Variants in L3MBTL4 observed in about 807,000 individuals in gnomAD.
L3MBTL4 encodes L3MBTL histone methyl-lysine binding protein 4, also known as lethal(3)malignant brain tumor-like protein 4.
A neutral mutation model predicts 84.5 loss-of-function variants in L3MBTL4; 70 were observed. The observed-to-expected ratio is 0.83, with a 90% CI of 0.68 to 1.01. L3MBTL4 has a LOEUF of 1.01. Ranked by LOEUF, L3MBTL4 falls within the 50% of genes least tolerant of loss-of-function variation. L3MBTL4 has a pLI of 0.00. For missense variants in L3MBTL4, 715 were observed against 754.8 expected (o/e 0.95, Z 0.62); for synonymous variants, 274 against 259.8 (o/e 1.05, Z -0.52).
chr18:6,150,321 A>T (rs2042837908), intron 13 of L3MBTL4, among the ~76,000 whole-genome samples: 1 of 152,084 alleles, frequency 6.6e-6, no homozygotes, highest in Non-Finnish European at 1.5e-5. Context: ...GGTGTCCATA[A>T]TCCCTTCTCA....
chr18:6,030,871 G>T (rs2055763512), intron 16 of L3MBTL4: 4 of 984,814 alleles, frequency 4.1e-6, no homozygotes, highest in Non-Finnish European at 4.8e-6. Context: ...TGCACTGTAG[G>T]ATATAAACAA....
intron 16 of L3MBTL4, among the ~76,000 whole-genome samples, chr18:5,972,892 G>C (rs7504620): frequency 2.2e-4 from 29 of 132,102 alleles, no homozygotes; most frequent in South Asian, 1.0e-3. Flanking sequence ...TAGAACAGAA[G>C]AGAATAGAAT....
At chr18:6,299,910 G>C (rs752864760) in intron 4 of L3MBTL4, among the ~76,000 whole-genome samples, 1 of 152,100 alleles carries the variant, frequency 6.6e-6, no homozygotes, top group African/African-American at 2.4e-5. Context: ...AAGCTCAAGA[G>C]ATCCACCCGC....
intron 10 of L3MBTL4, among the ~76,000 whole-genome samples, chr18:6,220,052 AAAAAAT>A (rs2046485523): frequency 6.6e-6 from 1 of 152,268 alleles, no homozygotes; most frequent in Admixed American, 6.5e-5. Context: ...AACACAATTT[AAAAAAT>A]AAAAATAAAA....
At chr18:6,098,216 G>C (rs932035708) in intron 14 of L3MBTL4, among the ~76,000 whole-genome samples, 3 of 152,162 alleles carry the variant, frequency 2.0e-5, no homozygotes, top group African/African-American at 2.4e-5. Context: ...ACATCCTGGA[G>C]GTGGACAGTT....
intron 1 of L3MBTL4, among the ~76,000 whole-genome samples, chr18:6,357,097 G>C (rs201902042): frequency 9.2e-5 from 14 of 152,208 alleles, no homozygotes; most frequent in East Asian, 5.8e-4. Flanking sequence ...GACTTTATCT[G>C]ACTTTTGCTG....
chr18:6,199,420 G>A (rs1249596002), intron 12 of L3MBTL4, among the ~76,000 whole-genome samples: 2 of 152,198 alleles, frequency 1.3e-5, no homozygotes, highest in East Asian at 1.9e-4. Flanking sequence ...CACATGCAGC[G>A]AGTGGCCAAT....
chr18:6,377,126 G>T (rs1343367509), intron 1 of L3MBTL4, among the ~76,000 whole-genome samples: 1 of 152,100 alleles, frequency 6.6e-6, no homozygotes, highest in Non-Finnish European at 1.5e-5. Flanking sequence ...CACAAACCTG[G>T]CTGACCACCA....
At chr18:5,959,886 A>C (rs1395972397) in intron 18 of L3MBTL4, among the ~76,000 whole-genome samples, 2 of 152,002 alleles carry the variant, frequency 1.3e-5, no homozygotes, top group African/African-American at 4.8e-5. Context: ...GCTTGGTCTC[A>C]CACTGCATAA....
intron 16 of L3MBTL4, among the ~76,000 whole-genome samples, chr18:6,033,041 A>G (rs966681364): frequency 2.6e-5 from 4 of 152,100 alleles, no homozygotes; most frequent in African/African-American, 9.7e-5. Flanking sequence ...TAGCTGCTTC[A>G]TTGTGTTAAG....
chr18:6,295,550 G>GA (rs937039386), intron 4 of L3MBTL4, among the ~76,000 whole-genome samples: 2 of 151,854 alleles, frequency 1.3e-5, no homozygotes, highest in African/African-American at 4.8e-5. Flanking sequence ...GGGGGCCCTT[G>GA]AATCAGAAAA....
Position 6,356,197 on chromosome 18 carries a change from A to T in L3MBTL4, c.-90-44141T>A, listed in dbSNP as rs377077738. Among the ~76,000 whole-genome samples, 5 of 152,352 alleles carry T rather than the reference A, an allele frequency of 3.3e-5. No individual in the cohort carries two copies. In the East Asian group the frequency reaches 9.6e-4, roughly 29 times the overall value. The stretch of plus-strand genomic sequence containing the variant: ...GTTTGCACAGAGTCAGCATCCCAGT[A>T]CCTGGTGCAAGATGACATTTACACT... On this transcript the variant is annotated intron_variant, in intron 1 of 18. Transcript: ENST00000317931.
chr18:6,070,548 T>G (rs1436682996), intron 16 of L3MBTL4, among the ~76,000 whole-genome samples: 1 of 136,596 alleles, frequency 7.3e-6, no homozygotes, highest in Non-Finnish European at 1.6e-5. Context: ...CCAAGCGCAG[T>G]GGCTCATGTG....
chr18:6,095,346 G>GTTTTTT (rs71370544), intron 14 of L3MBTL4, among the ~76,000 whole-genome samples: 17,143 of 122,084 alleles, frequency 0.14, 1,600 homozygotes, highest in African/African-American at 0.27. Context: ...GGGGAACATG[G>GTTTTTT]TTTTTTTTTT....
chr18:6,121,540 T>C (rs1349696220), intron 14 of L3MBTL4, among the ~76,000 whole-genome samples: 1 of 152,228 alleles, frequency 6.6e-6, no homozygotes, highest in Non-Finnish European at 1.5e-5. Flanking sequence ...TTATTCCAGA[T>C]TGCTGATTTG....
chr18:6,023,601 G>A lies in L3MBTL4; in HGVS notation c.1445-54039C>T, dbSNP rs796679535. On this transcript the variant is annotated intron_variant, in intron 16 of 18. Transcript: ENST00000317931. Reference sequence around the variant, plus strand: ...GATAAGCACCATGCTGGACATTGTGGGAAATATGTAAAAAGAAGGGGAGAG... The same window carrying A: ...GATAAGCACCATGCTGGACATTGTGAGAAATATGTAAAAAGAAGGGGAGAG... 8.8e-4 allele frequency among the ~76,000 whole-genome samples: 134 copies of A among 152,244 alleles called. 1 individual carries two copies. Among genetic ancestry groups the A allele is most frequent in the African/African-American group, 3.2e-3 (131 of 41,542 alleles).
At chr18:5,969,777 G>C (rs2052547602) in intron 16 of L3MBTL4, among the ~76,000 whole-genome samples, 1 of 152,232 alleles carries the variant, frequency 6.6e-6, no homozygotes, top group African/African-American at 2.4e-5. Flanking sequence ...CCCATGCCCA[G>C]AAGACTGTGG....
intron 14 of L3MBTL4, among the ~76,000 whole-genome samples, chr18:6,102,403 C>T (rs566132804): frequency 6.6e-6 from 1 of 152,332 alleles, no homozygotes; most frequent in East Asian, 1.9e-4. Context: ...ATGTTTGTTC[C>T]TCTCTTTCCA....
At chr18:6,276,283 G>A (rs1231421239) in intron 4 of L3MBTL4, among the ~76,000 whole-genome samples, 1 of 152,136 alleles carries the variant, frequency 6.6e-6, no homozygotes, top group Non-Finnish European at 1.5e-5. Flanking sequence ...CATGTCATCA[G>A]GACCTCCTGA....
Sources: gnomAD v4.1 joint callset for allele counts (sites outside exome capture counted in the v4.1 genomes callset) on GRCh38, gnomAD v4.1.1 for gene constraint, MANE v1.5 for transcripts, NCBI Gene and HGNC (gene_info 2026-07-23, HGNC 2026-07-21) for gene names.